Variants in RAI14 observed in about 807,000 individuals in gnomAD.
The protein encoded by RAI14 is retinoic acid induced 14.
RAI14 carries 45 observed loss-of-function variants against 115.4 expected under a neutral mutation model. The ratio of observed to expected loss-of-function variants is 0.39; its 90% confidence interval spans 0.31 to 0.50. The LOEUF is 0.50. Ranked by LOEUF, RAI14 falls within the 20% of genes least tolerant of loss-of-function variation. The pLI is 0.85. For missense variants in RAI14, 939 were observed against 1,131.2 expected (o/e 0.83, Z 2.44); for synonymous variants, 371 against 415.4 (o/e 0.89, Z 1.30).
chr5:34,685,920 G>C (rs546225474), intron 1 of RAI14: 21 of 152,344 alleles, frequency 1.4e-4, no homozygotes, highest in African/African-American at 5.1e-4. Context: ...CAGAATTGCT[G>C]AGTCCCACAA....
intron 1 of RAI14, among the ~76,000 whole-genome samples, chr5:34,659,468 A>G (rs1240627303): frequency 6.6e-6 from 1 of 152,066 alleles, no homozygotes; most frequent in Non-Finnish European, 1.5e-5. Context: ...GGGTCTTACT[A>G]TGTTGCTCAG....
chr5:34,657,540 G>T (rs1218510405), intron 1 of RAI14, among the ~76,000 whole-genome samples: 1 of 152,198 alleles, frequency 6.6e-6, no homozygotes, highest in Non-Finnish European at 1.5e-5. Flanking sequence ...TCCCAGAAAT[G>T]TTGAGGGGAA....
At chr5:34,732,537 C>A (rs1365228310) in intron 2 of RAI14, among the ~76,000 whole-genome samples, 2 of 149,752 alleles carry the variant, frequency 1.3e-5, no homozygotes, top group Non-Finnish European at 3.0e-5. Context: ...CTCCCGGGTT[C>A]AAGCAATCCT....
chr5:34,690,344 G>T (rs1018495707), intron 2 of RAI14, among the ~76,000 whole-genome samples: 1 of 152,186 alleles, frequency 6.6e-6, no homozygotes, highest in Non-Finnish European at 1.5e-5. Context: ...TTTCTGGGGG[G>T]TAGGAAGAAG....
At chr5:34,799,825 C>G (rs1427898899) in intron 4 of RAI14, among the ~76,000 whole-genome samples, 2 of 151,512 alleles carry the variant, frequency 1.3e-5, no homozygotes, top group East Asian at 3.9e-4. Context: ...GTAGCTAGGA[C>G]TACAGGCGCC....
intron 3 of RAI14, among the ~76,000 whole-genome samples, chr5:34,779,492 A>G (rs993422522): frequency 6.6e-6 from 1 of 152,224 alleles, no homozygotes; most frequent in African/African-American, 2.4e-5. Flanking sequence ...TCAGCCCAAA[A>G]TCTCCTTAAG....
chr5:34,659,663 T>G (rs1294869825), intron 1 of RAI14, among the ~76,000 whole-genome samples: 1 of 152,228 alleles, frequency 6.6e-6, no homozygotes, highest in Non-Finnish European at 1.5e-5. Context: ...CATCCTGAGA[T>G]GTTTTCTTGT....
At chr5:34,676,706 T>C (rs955262280) in intron 1 of RAI14, among the ~76,000 whole-genome samples, 29 of 152,342 alleles carry the variant, frequency 1.9e-4, no homozygotes, top group African/African-American at 7.0e-4. Flanking sequence ...AGGAGAATGA[T>C]ATATTTGGTT....
At chr5:34,761,600 C>T (rs988487776) in intron 3 of RAI14, among the ~76,000 whole-genome samples, 3 of 152,160 alleles carry the variant, frequency 2.0e-5, no homozygotes, top group Admixed American at 2.0e-4. Flanking sequence ...TTACCTACAT[C>T]CTGTCTCCCC....
At chr5:34,734,246 TG>T (rs941863834) in intron 2 of RAI14, among the ~76,000 whole-genome samples, 1 of 152,054 alleles carries the variant, frequency 6.6e-6, no homozygotes, top group Non-Finnish European at 1.5e-5. Context: ...GTCAGTGAAC[TG>T]GGGGGGCTGG....
intron 2 of RAI14, among the ~76,000 whole-genome samples, chr5:34,721,043 G>A (rs1374005081): frequency 6.6e-6 from 1 of 151,614 alleles, no homozygotes; most frequent in African/African-American, 2.4e-5. Context: ...ACAGAGAGGG[G>A]AGGAACAAAG....
intron 3 of RAI14, among the ~76,000 whole-genome samples, chr5:34,794,935 G>C (rs187693214): frequency 3.6e-4 from 55 of 152,060 alleles, no homozygotes; most frequent in African/African-American, 1.3e-3. Flanking sequence ...AGACACCAAG[G>C]GACTTCATGA....
Position 34,827,128 on chromosome 5 carries a change from C to T in RAI14, c.2799+649C>T, listed in dbSNP as rs930619624. On this transcript the variant is annotated intron_variant, in intron 16 of 17. Coordinates refer to ENST00000265109, the MANE Select transcript of RAI14 (RefSeq NM_015577.3). The surrounding 1 kb of genome is among the most constrained non-coding windows in gnomAD (Gnocchi z 4.2). ...CTTTTCCAGTACCAGAGGCTGCCTG[C>T]ATTCTGTGGCTCATGGCCCCTTACT... Among the ~76,000 whole-genome samples, 4 of 152,124 alleles carry T rather than the reference C, an allele frequency of 2.6e-5. No individual in the cohort carries two copies. Among genetic ancestry groups the T allele is most frequent in the African/African-American group, 9.7e-5 (4 of 41,418 alleles).
At chr5:34,681,426 C>A (rs1744370347) in intron 1 of RAI14, among the ~76,000 whole-genome samples, 1 of 152,086 alleles carries the variant, frequency 6.6e-6, no homozygotes. Context: ...TATTTAGGGG[C>A]ACATGTTAGT....
intron 2 of RAI14, among the ~76,000 whole-genome samples, chr5:34,703,405 A>G (rs538597122): frequency 1.3e-5 from 2 of 152,338 alleles, no homozygotes; most frequent in African/African-American, 4.8e-5. Flanking sequence ...GTATTCCACA[A>G]CCATTTAAAA....
intron 4 of RAI14, among the ~76,000 whole-genome samples, chr5:34,799,493 G>GACACACACACACACAC (rs780186006): frequency 9.7e-5 from 12 of 124,042 alleles, no homozygotes; most frequent in Non-Finnish European, 1.7e-4. Flanking sequence ...CACACACACA[G>GACACACACACACACAC]ACACACACAC....
rs1758029211 is a variant in RAI14, at chr5:34,831,770, A to C, written c.*1005A>C. On this transcript the variant is annotated 3_prime_UTR_variant, in exon 18 of 18. Coordinates refer to ENST00000265109, the MANE Select transcript of RAI14 (RefSeq NM_015577.3). ...AAAGTTTTCAGCTATAGCAAAAGGT[A>C]GTTATGTATGCCAGACCTAATATGA... is the stretch of plus-strand genomic sequence containing the variant. 2 of 152,226 alleles carry C rather than the reference A, an allele frequency of 1.3e-5. No homozygotes were observed. Among genetic ancestry groups the C allele is most frequent in the Admixed American group, 1.3e-4 (2 of 15,282 alleles). The allele number at this position is 152,226 out of a possible 1,614,324, so 9.4% of individuals were successfully genotyped here. A position where few individuals can be genotyped will look rare whatever the true frequency, so the allele number is the denominator to read the frequency against.
chr5:34,814,468 A>T (rs1416548731), intron 11 of RAI14, 115 bp from the exon 12 acceptor site: 10 of 713,520 alleles, frequency 1.4e-5, no homozygotes, highest in Non-Finnish European at 2.0e-5. Flanking sequence ...GATGCCAAGG[A>T]TACTTACTGT....
chr5:34,688,793 C>G (rs1379354350), intron 2 of RAI14, among the ~76,000 whole-genome samples: 2 of 151,746 alleles, frequency 1.3e-5, no homozygotes, highest in African/African-American at 4.9e-5. Flanking sequence ...AAAAACATTT[C>G]AAAGCCTAGT....
Sources: gnomAD v4.1 joint callset for allele counts (sites outside exome capture counted in the v4.1 genomes callset) on GRCh38, gnomAD v4.1.1 for gene constraint, Gnocchi (gnomAD v3.1) non-coding constraint, MANE v1.5 for transcripts, NCBI Gene and HGNC (gene_info 2026-07-23, HGNC 2026-07-21) for gene names.